The following PRR16 variants were observed in gnomAD, a reference collection of about 807,000 sequenced individuals.
PRR16 encodes protein Largen.
PRR16 carries 6 observed loss-of-function variants against 18.2 expected under a neutral mutation model. The ratio of observed to expected loss-of-function variants is 0.33; its 90% CI spans 0.18 to 0.65. The LOEUF is 0.65. PRR16 is among the 30% of genes least tolerant of loss of function. The pLI is 0.74. For synonymous variants in PRR16, 151 were observed against 147.8 expected, an observed-to-expected ratio of 1.02 and a Z score of -0.16; for missense variants, 412 against 376.6, an observed-to-expected ratio of 1.09 and a Z score of -0.78.
chr5:120,606,669 A>G (rs1317717578), intron 1 of PRR16, among the ~76,000 whole-genome samples: 1 of 152,170 alleles, frequency 6.6e-6, no homozygotes, highest in Non-Finnish European at 1.5e-5. Context: ...TTGAGAGGCC[A>G]AGATGGGAGA....
chr5:120,562,003 A>G (rs1385599197), intron 1 of PRR16, among the ~76,000 whole-genome samples: 1 of 152,114 alleles, frequency 6.6e-6, no homozygotes, highest in Non-Finnish European at 1.5e-5. Context: ...GTTTTTCTCT[A>G]GAGTGCAGAT....
At chr5:120,642,829 T>G (rs995424777) in intron 1 of PRR16, among the ~76,000 whole-genome samples, 1 of 152,100 alleles carries the variant, frequency 6.6e-6, no homozygotes, top group Non-Finnish European at 1.5e-5. Flanking sequence ...ATGCTCCCAC[T>G]GCATTCCTAC....
At chr5:120,703,354 C>T in the PRR16 span, among the ~76,000 whole-genome samples, 4 of 152,166 alleles carry the variant, frequency 2.6e-5, no homozygotes, top group Admixed American at 2.6e-4. Context: ...GCCATCTGGG[C>T]GTATACGTGC....
At chr5:120,567,942 C>T (rs1752787691) in intron 1 of PRR16, among the ~76,000 whole-genome samples, 1 of 152,130 alleles carries the variant, frequency 6.6e-6, no homozygotes, top group South Asian at 2.1e-4. Flanking sequence ...AGGTCCACTC[C>T]ACTTTCCACC....
At chr5:120,468,545 G>A (rs111604928) in intron 1 of PRR16, among the ~76,000 whole-genome samples, 3 of 152,256 alleles carry the variant, frequency 2.0e-5, no homozygotes, top group African/African-American at 7.2e-5. Context: ...TAGAGTAGGT[G>A]TGAGTGATAC....
chr5:120,779,117 C>T, the PRR16 span, among the ~76,000 whole-genome samples: 6 of 151,944 alleles, frequency 3.9e-5, no homozygotes, highest in Admixed American at 3.9e-4. Flanking sequence ...CATTAGATTC[C>T]GCAGGGTTTA....
At chr5:120,599,070 A>G (rs1370912696) in intron 1 of PRR16, among the ~76,000 whole-genome samples, 1 of 151,734 alleles carries the variant, frequency 6.6e-6, no homozygotes, top group African/African-American at 2.4e-5. Context: ...TCTCATTACT[A>G]TGATTATATT....
intron 1 of PRR16, among the ~76,000 whole-genome samples, chr5:120,561,558 C>T (rs1355449594): frequency 6.6e-6 from 1 of 151,986 alleles, no homozygotes; most frequent in African/African-American, 2.4e-5. Context: ...TTGAGAATGA[C>T]CCATATGCTG....
intron 1 of PRR16, among the ~76,000 whole-genome samples, chr5:120,623,911 AATAAT>A (rs1183760215): frequency 2.6e-5 from 4 of 151,904 alleles, no homozygotes; most frequent in African/African-American, 9.7e-5. Context: ...CATAATATAT[AATAAT>A]ATATTATTTG....
intron 1 of PRR16, among the ~76,000 whole-genome samples, chr5:120,471,155 AT>A (rs1276822031): frequency 2.6e-5 from 4 of 152,174 alleles, no homozygotes; most frequent in African/African-American, 9.7e-5. Flanking sequence ...AGAAAACAGT[AT>A]TGAGACAAAA....
the PRR16 span, among the ~76,000 whole-genome samples, chr5:120,752,317 T>G: frequency 1.3e-5 from 2 of 152,038 alleles, no homozygotes; most frequent in Non-Finnish European, 2.9e-5. Context: ...CATGATGGGT[T>G]ACAGAATAGA....
Position 120,686,567 on chromosome 5 carries a change from C to T in PRR16, c.773C>T (p.Pro258Leu), listed in dbSNP as rs200387515. The T allele has an allele frequency of 1.6e-5, 26 of 1,613,764 alleles. No homozygotes were observed. The change falls in exon 2 of 2, where the codon CCT becomes CTT. Residue 258 changes from proline to leucine, a missense_variant. Coordinates refer to ENST00000407149, the MANE Select transcript of PRR16 (RefSeq NM_001300783.2). ...GPPLPPTPHLPPFPLENGGMG... is the reference protein window; with the variant it reads ...GPPLPPTPHLLPFPLENGGMG... ...CCCCTCCCTCCTACACCCCATCTCC[C>T]TCCTTTCCCACTAGAAAATGGGGGA... is the stretch of plus-strand genomic sequence containing the variant.
the PRR16 span, among the ~76,000 whole-genome samples, chr5:120,782,234 T>C: frequency 6.6e-6 from 1 of 152,120 alleles, no homozygotes; most frequent in Non-Finnish European, 1.5e-5. Context: ...TTAGCTTCAT[T>C]AAGTGTGTGA....
the PRR16 span, chr5:120,710,952 TC>T: frequency 6.6e-6 from 1 of 151,232 alleles, no homozygotes; most frequent in Non-Finnish European, 1.5e-5. Context: ...CTTTTTTTTT[TC>T]CCCCCTCAGC....
the PRR16 span, among the ~76,000 whole-genome samples, chr5:120,729,924 C>T: frequency 6.6e-6 from 1 of 152,228 alleles, no homozygotes; most frequent in Admixed American, 6.5e-5. Context: ...TCAATCTTTG[C>T]TCTGTGGGTC....
the PRR16 span, among the ~76,000 whole-genome samples, chr5:120,783,726 C>T: frequency 6.6e-6 from 1 of 152,044 alleles, no homozygotes; most frequent in African/African-American, 2.4e-5. Context: ...TGGGAACATT[C>T]CAAACCCACT....
At chr5:120,540,604 C>G (rs994167615) in intron 1 of PRR16, among the ~76,000 whole-genome samples, 2 of 152,122 alleles carry the variant, frequency 1.3e-5, no homozygotes, top group Non-Finnish European at 2.9e-5. Context: ...TTCCTCTCTC[C>G]TTTGGTCTGT....
intron 1 of PRR16, among the ~76,000 whole-genome samples, chr5:120,652,151 C>A (rs1223132663): frequency 6.6e-6 from 1 of 151,952 alleles, no homozygotes; most frequent in Admixed American, 6.6e-5. Flanking sequence ...TATGGATGTA[C>A]ATTAATATAA....
intron 1 of PRR16, among the ~76,000 whole-genome samples, chr5:120,614,644 C>A (rs1189392245): frequency 6.6e-6 from 1 of 152,180 alleles, no homozygotes; most frequent in Non-Finnish European, 1.5e-5. Context: ...AGGAATTGTT[C>A]AGCTTGTAGT....
Sources: allele counts gnomAD v4.1 joint callset (sites outside exome capture counted in the v4.1 genomes callset), GRCh38; gene constraint gnomAD v4.1.1; transcripts MANE v1.5; gene names NCBI Gene and HGNC (gene_info 2026-07-23, HGNC 2026-07-21).